Variants in FRMD4B observed in about 807,000 individuals in gnomAD.
The protein encoded by FRMD4B is FERM domain containing 4B.
A neutral mutation model predicts 141.5 loss-of-function variants in FRMD4B; 74 were observed. That is an observed-to-expected ratio of 0.52 (90% CI 0.43 to 0.63). The LOEUF (loss-of-function observed/expected upper bound fraction) is 0.63. Among genes scored for constraint, FRMD4B ranks in the 30% least tolerant of loss-of-function variants. The pLI is 0.00. For synonymous variants in FRMD4B, 506 were observed against 467.9 expected (o/e 1.08, Z -1.05); for missense variants, 1,366 against 1,253.4 (o/e 1.09, Z -1.36).
At chr3:69,332,666 G>A (rs912517888) in intron 1 of FRMD4B, among the ~76,000 whole-genome samples, 10 of 151,386 alleles carry the variant, frequency 6.6e-5, no homozygotes, top group Admixed American at 5.9e-4. Flanking sequence ...AGCCTTGAAC[G>A]CCTGAGCTCA....
chr3:69,367,291 T>G (rs926721240), intron 1 of FRMD4B, among the ~76,000 whole-genome samples: 1 of 152,184 alleles, frequency 6.6e-6, no homozygotes, highest in Non-Finnish European at 1.5e-5. Flanking sequence ...AATATGAAAG[T>G]AAGAGAAGCA....
chr3:69,241,672 A>G (rs982522561), intron 7 of FRMD4B, among the ~76,000 whole-genome samples: 1 of 152,142 alleles, frequency 6.6e-6, no homozygotes, highest in Non-Finnish European at 1.5e-5. Flanking sequence ...CGAGGCTGAC[A>G]GATTTTCTGA....
intron 5 of FRMD4B, among the ~76,000 whole-genome samples, chr3:69,280,087 C>A (rs566517900): frequency 4.9e-4 from 74 of 152,202 alleles, no homozygotes; most frequent in African/African-American, 1.7e-3. Context: ...TAACCTGGGG[C>A]AAGCCTACAG....
At chr3:69,180,263 AAAAAAAAG>A (rs2092691559) in intron 21 of FRMD4B, among the ~76,000 whole-genome samples, 2 of 151,030 alleles carry the variant, frequency 1.3e-5, no homozygotes, top group Admixed American at 1.3e-4. Context: ...AAAAAAAAAA[AAAAAAAAG>A]CAAATTACTT....
Position 69,507,828 on chromosome 3 carries a change from T to C in FRMD4B, c.-129+34378A>G, listed in dbSNP as rs150122839. On this transcript the variant is annotated intron_variant, in intron 1 of 5. Transcript: ENST00000459638. ...AGCCCTAAAAAAAATTGTCAGAGTC[T>C]GTTTAAAATAGAGGGAAAAATAGGT... Among the ~76,000 whole-genome samples, 46 of 152,294 alleles carry C rather than the reference T, an allele frequency of 3.0e-4. 1 individual carries two copies. The highest frequency in any genetic ancestry group is 9.9e-4 in the African/African-American group (41 of 41,570).
chr3:69,427,641 A>ATTTTTTTTT (rs1285387505), intron 2 of FRMD4B, among the ~76,000 whole-genome samples: 13 of 74,556 alleles, frequency 1.7e-4, no homozygotes, highest in East Asian at 6.6e-4. Flanking sequence ...AGCTAGGTAA[A>ATTTTTTTTT]TGTTTTTTTT....
chr3:69,210,454 C>G (rs1033736958), intron 11 of FRMD4B, among the ~76,000 whole-genome samples: 1 of 151,716 alleles, frequency 6.6e-6, no homozygotes, highest in Non-Finnish European at 1.5e-5. Context: ...TCATCAGTCT[C>G]TAAGTCCAAA....
At chr3:69,443,097 T>C (rs943500954) in intron 1 of FRMD4B, among the ~76,000 whole-genome samples, 4 of 152,094 alleles carry the variant, frequency 2.6e-5, no homozygotes, top group African/African-American at 7.2e-5. Flanking sequence ...TGGGGGCTGG[T>C]TGCCAGAGGA....
At chr3:69,300,953 C>G (rs1701196591) in intron 4 of FRMD4B, among the ~76,000 whole-genome samples, 1 of 152,148 alleles carries the variant, frequency 6.6e-6, no homozygotes, top group Non-Finnish European at 1.5e-5. Flanking sequence ...CCAGGCTGGT[C>G]TCATACTCCT....
At chr3:69,231,488 A>G (rs2093305340) in intron 7 of FRMD4B, among the ~76,000 whole-genome samples, 1 of 152,176 alleles carries the variant, frequency 6.6e-6, no homozygotes, top group Admixed American at 6.5e-5. Flanking sequence ...GGGTTTCGCC[A>G]TGTTGGCCAG....
intron 1 of FRMD4B, among the ~76,000 whole-genome samples, chr3:69,357,118 G>A (rs1027996493): frequency 2.0e-5 from 3 of 152,134 alleles, no homozygotes; most frequent in Admixed American, 6.6e-5. Context: ...GTGCAAAGAC[G>A]GGACAAGGGC....
upstream of FRMD4B, among the ~76,000 whole-genome samples, chr3:69,387,261 G>A (rs1447101802): frequency 6.6e-6 from 1 of 152,222 alleles, no homozygotes; most frequent in African/African-American, 2.4e-5. Context: ...CAGCCACGGG[G>A]ACTACAGGTG....
chr3:69,188,479 A>G (rs1458953375), intron 18 of FRMD4B, among the ~76,000 whole-genome samples: 1 of 152,232 alleles, frequency 6.6e-6, no homozygotes, highest in Admixed American at 6.5e-5. Flanking sequence ...TTTATGCACC[A>G]TAAAACTTGG....
intron 1 of FRMD4B, among the ~76,000 whole-genome samples, chr3:69,462,795 C>A (rs934183287): frequency 2.0e-5 from 3 of 152,228 alleles, no homozygotes; most frequent in African/African-American, 7.2e-5. Context: ...GGCGATTCCT[C>A]CTGGCCTCTC....
intron 7 of FRMD4B, among the ~76,000 whole-genome samples, chr3:69,247,990 C>A (rs574333212): frequency 6.6e-6 from 1 of 152,036 alleles, no homozygotes; most frequent in Admixed American, 6.6e-5. Flanking sequence ...CAGGGTTTCA[C>A]CATGTTGGCC....
intron 1 of FRMD4B, among the ~76,000 whole-genome samples, chr3:69,477,445 G>T (rs1030536943): frequency 4.0e-5 from 6 of 151,066 alleles, no homozygotes; most frequent in African/African-American, 7.4e-5. Context: ...GGCCTTTTCT[G>T]CATCTATTGA....
At position 69,204,186 on chromosome 3, in the gene FRMD4B, CA is replaced by C. The variant is rs113697393; in HGVS notation, c.877-5413del. ...AAGGAGGAATGTGTCCCAGCATGTACAAAAATGCTGAGAAGTATGCACCTGC... is the reference window on the plus strand; with the variant it reads ...AAGGAGGAATGTGTCCCAGCATGTACAAAATGCTGAGAAGTATGCACCTGC... On this transcript the variant is annotated intron_variant, in intron 11 of 22. Coordinates refer to ENST00000398540, the MANE Select transcript of FRMD4B (RefSeq NM_015123.3). Among the ~76,000 whole-genome samples, 391 of 152,248 alleles carry C rather than the reference CA, an allele frequency of 2.6e-3. 2 individuals carry two copies. Among genetic ancestry groups the C allele is most frequent in the African/African-American group, 9.0e-3 (373 of 41,538 alleles).
chr3:69,525,586 A>G (rs1331266283), intron 1 of FRMD4B, among the ~76,000 whole-genome samples: 2 of 152,140 alleles, frequency 1.3e-5, no homozygotes, highest in Admixed American at 6.6e-5. Context: ...TTATTTGCAC[A>G]CTTATAGTAG....
At chr3:69,429,932 G>A (rs1408776162) in intron 2 of FRMD4B, among the ~76,000 whole-genome samples, 1 of 151,652 alleles carries the variant, frequency 6.6e-6, no homozygotes, top group Admixed American at 6.6e-5. Flanking sequence ...GCTAATTTTT[G>A]TATTTTTTTG....
Sources: gnomAD v4.1 joint callset for allele counts (sites outside exome capture counted in the v4.1 genomes callset) on GRCh38, gnomAD v4.1.1 for gene constraint, MANE v1.5 for transcripts, NCBI Gene and HGNC (gene_info 2026-07-23, HGNC 2026-07-21) for gene names.